MYH11: variants seen among roughly 807,000 people sequenced by gnomAD.
MYH11 encodes the protein myosin heavy chain 11.
A neutral mutation model predicts 246.6 loss-of-function variants in MYH11; 80 were observed. The observed-to-expected ratio is 0.32, with a 90% CI of 0.27 to 0.39. MYH11 has a LOEUF of 0.39. Ranked by LOEUF, MYH11 falls within the 10% of genes least tolerant of loss-of-function variation. The pLI is 1.00. For synonymous variants in MYH11, 1,071 were observed against 1,015.5 expected, an observed-to-expected ratio of 1.05 and a Z score of -1.04; for missense variants, 2,158 against 2,546.8, an observed-to-expected ratio of 0.85 and a Z score of 3.29.
At chr16:15,723,019 C>CA (rs1368992480) in intron 31 of MYH11, among the ~76,000 whole-genome samples, 2 of 152,212 alleles carry the variant, frequency 1.3e-5, no homozygotes, top group Admixed American at 1.3e-4. Context: ...GCTAGGATTA[C>CA]AGGCGTGAGC....
chr16:15,718,391 T>C lies in MYH11; in HGVS notation c.5219A>G (p.Gln1740Arg). 2 of 1,601,354 alleles carry C rather than the reference T, an allele frequency of 1.2e-6. No homozygotes were observed. The change falls in exon 37 of 41, where the codon CAG becomes CGG. Residue 1740 changes from glutamine to arginine, a missense_variant. Gln to Arg is a conservative substitution (Grantham distance 43). This residue lies in a region of MYH11 where 1,013 missense variants were observed against 993.5 expected (regional missense o/e 1.02). Transcript: ENST00000300036. ...EKRRLEARIAQLEEELEEEQG... is the reference protein window; with the variant it reads ...EKRRLEARIARLEEELEEEQG... ...CTCCTCCTCCAGCTCCTCCTCCAGCTGGGCGATCCGGGCCTCCAGGCGGCG... is the reference window on the plus strand; with the variant it reads ...CTCCTCCTCCAGCTCCTCCTCCAGCCGGGCGATCCGGGCCTCCAGGCGGCG...
intron 2 of MYH11, among the ~76,000 whole-genome samples, chr16:15,832,248 A>G (rs216169): frequency 0.81 from 122,655 of 152,084 alleles, 49,954 homozygotes; most frequent in African/African-American, 0.91. Flanking sequence ...TTCATGGTTC[A>G]GGGACTTGGG....
intron 1 of MYH11, among the ~76,000 whole-genome samples, chr16:15,845,367 ATTC>A (rs989967538): frequency 1.4e-4 from 21 of 151,296 alleles, no homozygotes; most frequent in African/African-American, 4.4e-4. Context: ...GCCCAAGACA[ATTC>A]TTCTTTTTCT....
In MYH11 at chr16:15,724,280, C is replaced by T; in HGVS notation, c.4246G>A (p.Asp1416Asn). The change falls in exon 31 of 41, where the codon GAT (aspartate) becomes AAT (asparagine). Residue 1416 changes from aspartate to asparagine, a missense_variant. Transcript: ENST00000300036. ...CTGTTCTTGGTCTTTTCCAGTTTAT[C>T]ATAAGCGGCCGCCTTCTCCTCGTAC... ...QQYEEKAAAY[D>N]KLEKTKNRLQ... 1 of 1,614,200 alleles carries T rather than the reference C, an allele frequency of 6.2e-7. No homozygotes were observed. Among genetic ancestry groups the T allele is most frequent in the Non-Finnish European group, 8.5e-7 (1 of 1,180,040 alleles).
At chr16:15,713,416 AAGC>A (rs533813220) in intron 40 of MYH11, 1 of 152,204 alleles carries the variant, frequency 6.6e-6, no homozygotes, top group Non-Finnish European at 1.5e-5. Context: ...AAAAAGTGAA[AAGC>A]AGCAGAGAGT....
At chr16:15,758,284 T>G (rs1222146984) in intron 12 of MYH11, among the ~76,000 whole-genome samples, 1 of 152,206 alleles carries the variant, frequency 6.6e-6, no homozygotes, top group East Asian at 1.9e-4. Flanking sequence ...CGCTACTGCA[T>G]GTACAGATGT....
Position 15,748,184 on chromosome 16 carries a change from A to G in MYH11, c.2059-16T>C. The stretch of plus-strand genomic sequence containing the variant: ...GCTTGCCGGACTGCAAAGGTCAAAG[A>G]GGGCAGTGGATCCCTGGGGCCAGAA... On this transcript the variant is annotated splice_polypyrimidine_tract_variant and intron_variant, in intron 16 of 40. Coordinates refer to ENST00000300036, the MANE Select transcript of MYH11 (RefSeq NM_002474.3). 3 of 1,613,168 alleles carry G rather than the reference A, an allele frequency of 1.9e-6. No homozygotes were observed. Among genetic ancestry groups the G allele is most frequent in the Non-Finnish European group, 2.5e-6 (3 of 1,180,020 alleles).
At chr16:15,744,406 G>T (rs970236424) in intron 20 of MYH11, among the ~76,000 whole-genome samples, 1 of 151,936 alleles carries the variant, frequency 6.6e-6, no homozygotes, top group Non-Finnish European at 1.5e-5. Flanking sequence ...TCTTGGCCAG[G>T]ATGGTCTTGA....
At chr16:15,759,812 T>C in intron 11 of MYH11, 84 bp from the exon 12 acceptor site, 1 of 1,554,634 alleles carries the variant, frequency 6.4e-7, no homozygotes, top group East Asian at 2.3e-5. Flanking sequence ...AGATTTTTAT[T>C]CTTGGCCGGG....
intron 40 of MYH11, chr16:15,708,866 A>AG: frequency 6.2e-7 from 1 of 1,607,410 alleles, no homozygotes. Flanking sequence ...GAATCCCCGG[A>AG]GGTTACCATC....
chr16:15,704,922 T>TGGA (rs1470050025), intron 40 of MYH11, among the ~76,000 whole-genome samples: 7 of 151,926 alleles, frequency 4.6e-5, no homozygotes, highest in African/African-American at 1.7e-4. Context: ...CAAGCAGTTC[T>TGGA]CCTACCTTGG....
chr16:15,806,340 A>T (rs925611259), intron 3 of MYH11, among the ~76,000 whole-genome samples: 21 of 148,722 alleles, frequency 1.4e-4, no homozygotes, highest in African/African-American at 3.9e-4. Flanking sequence ...AAGGTCACAT[A>T]TGATTCCATT....
intron 16 of MYH11, chr16:15,749,756 A>AGACAT (rs1171050997): frequency 3.0e-6 from 1 of 338,838 alleles, no homozygotes; most frequent in Non-Finnish European, 5.5e-6. Context: ...TAGCATGTCC[A>AGACAT]TATAGAGGAC....
intron 20 of MYH11, 86 bp from the exon 21 acceptor site, chr16:15,741,977 G>A (rs2041288036): frequency 6.4e-7 from 1 of 1,566,928 alleles, no homozygotes; most frequent in African/African-American, 1.4e-5. Context: ...TTCCGAGCCA[G>A]GGACAATGTT....
rs143535462 is a variant in MYH11 at position 15,814,103 on chromosome 16, A to T, written c.502+9152T>A. Among the ~76,000 whole-genome samples, 803 of 150,802 alleles carry T rather than the reference A, an allele frequency of 5.3e-3. 5 individuals are homozygous for T. Among genetic ancestry groups the T allele is most frequent in the African/African-American group, 0.018 (745 of 40,978 alleles). ...AGGCTGCAGTGAGCAGAGATCGTGC[A>T]CTCCAGCTTGCGCGACAAGAGGGAA... On this transcript the variant is annotated intron_variant, in intron 3 of 40. Coordinates refer to ENST00000300036, the MANE Select transcript of MYH11 (RefSeq NM_002474.3).
In MYH11 at chr16:15,756,467, G is replaced by A; in HGVS notation, c.1623C>T (p.Phe541=). 1 of 1,614,158 alleles carries A rather than the reference G, an allele frequency of 6.2e-7. No individual in the cohort carries two copies. Among genetic ancestry groups the A allele is most frequent in the South Asian group, 1.1e-5 (1 of 91,082 alleles). ...VLALLDEECW[F]PKATDKSFVE... ...CGAAAGACTTGTCCGTGGCTTTGGG[G>A]AACCAGCATTCCTCGTCCAGCAGGG... The change falls in exon 14 of 41, where the codon TTC becomes TTT. Residue 541 remains phenylalanine (F), a synonymous_variant. Coordinates refer to ENST00000300036, the MANE Select transcript of MYH11 (RefSeq NM_002474.3).
intron 2 of MYH11, among the ~76,000 whole-genome samples, chr16:15,828,869 A>G (rs1002249046): frequency 2.0e-5 from 3 of 151,906 alleles, no homozygotes; most frequent in African/African-American, 7.2e-5. Context: ...GAGAAAAGAA[A>G]AGAATAAAAG....
At chr16:15,819,898 G>A (rs74009441) in intron 3 of MYH11, among the ~76,000 whole-genome samples, 28,287 of 151,922 alleles carry the variant, frequency 0.19, 3,036 homozygotes, top group African/African-American at 0.31. Context: ...AAACTCCACC[G>A]AAACCTCCTT....
rs1325689400 is a variant in MYH11, at chr16:15,763,886, A to C, written c.1039T>G (p.Leu347Val). 1 of 1,612,212 alleles carries C rather than the reference A, an allele frequency of 6.2e-7. No homozygotes were observed. Among genetic ancestry groups the C allele is most frequent in the Non-Finnish European group, 8.5e-7 (1 of 1,178,360 alleles). Residue 347 changes from leucine to valine, a missense_variant, in exon 10 of 41, where the codon TTG (leucine) becomes GTG (valine). This residue lies in a region of MYH11 where 75 missense variants were observed against 70.0 expected (regional missense o/e 1.07). Transcript: ENST00000300036. ...TGCAGGACCGATGATACCACCTTCA[A>C]TATGGCTGAGGTGGGGAGAGAAGGG... is the stretch of plus-strand genomic sequence containing the variant. ...GFSEEEQLSI[L>V]KVVSSVLQLG...
Sources: allele counts gnomAD v4.1 joint callset (sites outside exome capture counted in the v4.1 genomes callset), GRCh38; gene constraint gnomAD v4.1.1; regional missense constraint gnomAD v4.1.1; transcripts MANE v1.5; gene names NCBI Gene and HGNC (gene_info 2026-07-23, HGNC 2026-07-21).